The following SCAMP5 variants were observed in gnomAD, a reference collection of about 807,000 sequenced individuals.
SCAMP5 encodes the protein secretory carrier membrane protein 5, also known as secretory carrier-associated membrane protein 5.
A neutral mutation model predicts 28.3 loss-of-function variants in SCAMP5; 7 were observed. The ratio of observed to expected loss-of-function variants is 0.25; its 90% CI spans 0.14 to 0.46. SCAMP5 has a LOEUF of 0.46. SCAMP5 is among the 20% of genes least tolerant of loss of function. The pLI, the probability that SCAMP5 is intolerant of heterozygous loss-of-function variation, is 0.99. For synonymous variants in SCAMP5, 117 were observed against 116.4 expected, an observed-to-expected ratio of 1.00 and a Z score of -0.03; for missense variants, 192 against 312.5, an observed-to-expected ratio of 0.61 and a Z score of 2.91.
Position 75,018,110 on chromosome 15 carries a change from T to A in SCAMP5, c.395+139T>A, listed in dbSNP as rs2065874557. ...GGGAGAGTGAGAGGATTCGGGATAGTGTAGTAGTACAACCATAGCATCAGA... is the reference window on the plus strand; with the variant it reads ...GGGAGAGTGAGAGGATTCGGGATAGAGTAGTAGTACAACCATAGCATCAGA... On this transcript the variant is annotated intron_variant, in intron 5 of 6. Coordinates refer to ENST00000425597, the MANE Select transcript of SCAMP5 (RefSeq NM_138967.4). The surrounding 1 kb of genome is among the most constrained non-coding windows in gnomAD (Gnocchi z 5.6). 2 of 642,178 alleles carry A rather than the reference T, an allele frequency of 3.1e-6. No individual in the cohort carries two copies. Among genetic ancestry groups the A allele is most frequent in the South Asian group, 3.6e-5 (2 of 54,938 alleles). 39.8% of individuals were successfully genotyped at this position (642,178 alleles called of 1,614,324 possible).
intron 1 of SCAMP5, among the ~76,000 whole-genome samples, chr15:74,997,551 T>A (rs1284139095): frequency 6.6e-6 from 1 of 152,114 alleles, no homozygotes; most frequent in Non-Finnish European, 1.5e-5. Flanking sequence ...GAGCAGCGAT[T>A]TTTGGAAAGG....
chr15:75,009,967 A>G (rs2065796553), intron 1 of SCAMP5: 2 of 152,096 alleles, frequency 1.3e-5, no homozygotes, highest in African/African-American at 4.8e-5. Context: ...TTCTAACACC[A>G]TAGATTTAGT....
rs1458178385 is a variant in SCAMP5, at chr15:75,017,245, G to A, written c.293+496G>A. Among the ~76,000 whole-genome samples the A allele has an allele frequency of 2.0e-5, 3 of 152,326 alleles. 1 individual carries two copies. The highest frequency in any genetic ancestry group is 3.9e-4 in the East Asian group (2 of 5,192). On this transcript the variant is annotated intron_variant, in intron 4 of 6. Transcript: ENST00000425597. ...GAACACCCATCCACATATCAGTGGG[G>A]CTTGCTGTCTTGGTGCCAGTGGGTG...
chr15:75,006,986 A>G (rs1413810982), intron 1 of SCAMP5, among the ~76,000 whole-genome samples: 1 of 152,086 alleles, frequency 6.6e-6, no homozygotes, highest in Admixed American at 6.6e-5. Flanking sequence ...ATTACTTTTG[A>G]TAGTCTAATT....
At position 75,018,943 on chromosome 15, in the gene SCAMP5, A is replaced by T; in HGVS notation, c.668A>T (p.Tyr223Phe). 1.3e-6 allele frequency: 2 copies of T among 1,546,706 alleles called. No individual in the cohort carries two copies. Among genetic ancestry groups the T allele is most frequent in the Non-Finnish European group, 1.7e-6 (2 of 1,155,444 alleles). Residue 223 changes from tyrosine (Y) to phenylalanine (F), a missense_variant, in exon 7 of 7, where the codon TAT (tyrosine) becomes TTT (phenylalanine). Coordinates refer to ENST00000425597, the MANE Select transcript of SCAMP5 (RefSeq NM_138967.4). The surrounding 1 kb of genome is among the most constrained non-coding windows in gnomAD (Gnocchi z 5.6). ...QGAMNQPQTQ[Y>F]SATPNYTYSN... ...GCCATGAATCAGCCTCAGACTCAGT[A>T]TTCCGCCACCCCCAATTACACGTAC...
At position 75,014,690 on chromosome 15, in the gene SCAMP5, T is replaced by C. The variant is rs57985760; in HGVS notation, c.136+1885T>C. Among the ~76,000 whole-genome samples, 2,637 of 152,106 alleles carry C rather than the reference T, an allele frequency of 0.017. 136 individuals carry two copies. The East Asian group carries it at 0.21, about 12-fold the overall frequency. ...AATGAATTATGGAATCTAAGCTGGATAAGGAGAAGAGTGAAGACAGAAAGA... is the reference window on the plus strand; with the variant it reads ...AATGAATTATGGAATCTAAGCTGGACAAGGAGAAGAGTGAAGACAGAAAGA... On this transcript the variant is annotated intron_variant, in intron 3 of 6. Transcript: ENST00000425597.
chr15:75,019,068 G>A lies in SCAMP5; in HGVS notation c.*85G>A, dbSNP rs1332038141. 2 of 922,378 alleles carry A rather than the reference G, an allele frequency of 2.2e-6. No homozygotes were observed. The highest frequency in any genetic ancestry group is 1.7e-5 in the African/African-American group (1 of 57,548). The allele number at this position is 922,378 out of a possible 1,614,324, so 57.1% of individuals were successfully genotyped here. ...ATCGTCATTTGTGGTTACCAAGCAG[G>A]GTTCCCCCTTCCCTTTTCTCCTTCC... On this transcript the variant is annotated 3_prime_UTR_variant, in exon 7 of 7. Coordinates refer to ENST00000425597, the MANE Select transcript of SCAMP5 (RefSeq NM_138967.4).
Position 75,018,775 on chromosome 15 carries a change from T to C in SCAMP5, c.514-14T>C. ...CTCTTTGATTAACCCTTCTTTACGC[T>C]CTTTTTCCTACAGGTTCATAAATTT... On this transcript the variant is annotated splice_polypyrimidine_tract_variant and intron_variant, in intron 6 of 6. Coordinates refer to ENST00000425597, the MANE Select transcript of SCAMP5 (RefSeq NM_138967.4). This position sits in a 1 kb window ranked among gnomAD's most constrained non-coding sequence, Gnocchi z 5.6. The C allele has an allele frequency of 6.3e-7, 1 of 1,599,354 alleles. No homozygotes were observed. Among genetic ancestry groups the C allele is most frequent in the African/African-American group, 1.3e-5 (1 of 74,374 alleles).
chr15:75,002,590 T>C (rs2065720180), intron 1 of SCAMP5, among the ~76,000 whole-genome samples: 1 of 152,004 alleles, frequency 6.6e-6, no homozygotes. Flanking sequence ...GTCCCGGTAG[T>C]GCCATCCTTT....
chr15:75,001,547 G>A (rs1449059662), intron 1 of SCAMP5, among the ~76,000 whole-genome samples: 2 of 151,926 alleles, frequency 1.3e-5, no homozygotes, highest in African/African-American at 4.8e-5. Flanking sequence ...AGGCTGAGGC[G>A]GGTGGATCTC....
chr15:75,007,321 G>A (rs1319913122), intron 1 of SCAMP5, among the ~76,000 whole-genome samples: 2 of 152,286 alleles, frequency 1.3e-5, no homozygotes, highest in South Asian at 2.1e-4. Context: ...TACGGGCAAA[G>A]CTTTAGAGTC....
At chr15:75,001,476 C>CT (rs1408195671) in intron 1 of SCAMP5, among the ~76,000 whole-genome samples, 3 of 151,530 alleles carry the variant, frequency 2.0e-5, no homozygotes, top group Non-Finnish European at 4.4e-5. Context: ...CTTGTCTCCT[C>CT]TATCACAGAG....
At chr15:74,998,091 T>C (rs1048488997) in intron 1 of SCAMP5, among the ~76,000 whole-genome samples, 18 of 152,220 alleles carry the variant, frequency 1.2e-4, no homozygotes, top group Non-Finnish European at 2.4e-4. Flanking sequence ...GCCAGAGGCC[T>C]CAGTCTCCCC....
chr15:75,012,287 C>T (rs1387831691), intron 2 of SCAMP5, among the ~76,000 whole-genome samples: 3 of 152,206 alleles, frequency 2.0e-5, no homozygotes, highest in Non-Finnish European at 2.9e-5. Context: ...TAGAGAGGGG[C>T]GATGATTTGC....
At chr15:75,008,641 A>C (rs2065783548) in intron 1 of SCAMP5, among the ~76,000 whole-genome samples, 1 of 152,010 alleles carries the variant, frequency 6.6e-6, no homozygotes, top group Non-Finnish European at 1.5e-5. Flanking sequence ...TTGGGATTAC[A>C]GGCTTATGCC....
intron 1 of SCAMP5, among the ~76,000 whole-genome samples, chr15:75,000,616 C>T (rs1057159804): frequency 4.0e-5 from 6 of 151,740 alleles, no homozygotes; most frequent in African/African-American, 1.5e-4. Flanking sequence ...AATTTCCTGA[C>T]CTCGTGATCC....
intron 1 of SCAMP5, chr15:75,011,517 T>C (rs188031257): frequency 1.2e-5 from 3 of 260,726 alleles, no homozygotes; most frequent in African/African-American, 2.2e-5. Context: ...TTTCCCTGTA[T>C]GGGATCCCCT....
intron 3 of SCAMP5, among the ~76,000 whole-genome samples, chr15:75,014,935 G>A (rs1275355955): frequency 2.0e-5 from 3 of 152,146 alleles, no homozygotes; most frequent in African/African-American, 7.2e-5. Flanking sequence ...CAATGAACAG[G>A]GATAGAGGAA....
chr15:75,016,770 G>T (rs776093619), intron 4 of SCAMP5, 21 bp downstream of exon 4: 24 of 1,599,400 alleles, frequency 1.5e-5, no homozygotes, highest in Non-Finnish European at 2.1e-5. Context: ...GGTGCTATCC[G>T]CAGTGCCTAG....
Sources: gnomAD v4.1 joint callset for allele counts (sites outside exome capture counted in the v4.1 genomes callset) on GRCh38, gnomAD v4.1.1 for gene constraint, Gnocchi (gnomAD v3.1) non-coding constraint, MANE v1.5 for transcripts, NCBI Gene and HGNC (gene_info 2026-07-23, HGNC 2026-07-21) for gene names.